FAT3: variants seen among roughly 807,000 people sequenced by gnomAD.
The protein encoded by FAT3 is protocadherin Fat 3.
A neutral mutation model predicts 310.2 loss-of-function variants in FAT3; 95 were observed. That is an observed-to-expected ratio of 0.31 (90% CI 0.26 to 0.36). The LOEUF is 0.36. Among genes scored for constraint, FAT3 ranks in the 10% least tolerant of loss-of-function variants. The pLI is 1.00. For synonymous variants in FAT3, 2,314 were observed against 2,192.9 expected (o/e 1.06, Z -1.54); for missense variants, 5,408 against 5,715.6 (o/e 0.95, Z 1.74).
intron 3 of FAT3, among the ~76,000 whole-genome samples, chr11:92,673,819 G>A (rs946329054): frequency 2.0e-5 from 3 of 152,148 alleles, no homozygotes; most frequent in East Asian, 3.9e-4. Context: ...GAAACCAGGT[G>A]AGTGAGGAAT....
At chr11:92,889,072 C>T (rs1949857069) in intron 25 of FAT3, 117 bp from the exon 26 acceptor site, 1 of 540,234 alleles carries the variant, frequency 1.9e-6, no homozygotes, top group Non-Finnish European at 3.3e-6. Context: ...TGGGTGTTTG[C>T]ATGCCGCACC....
intron 1 of FAT3, among the ~76,000 whole-genome samples, chr11:92,351,667 A>AT (rs33991336): frequency 0.26 from 39,265 of 149,958 alleles, 6,270 homozygotes; most frequent in African/African-American, 0.46. Flanking sequence ...GCATCTCTTC[A>AT]TTTTTTTTTT....
chr11:92,349,414 A>G (rs1948502253), intron 1 of FAT3, among the ~76,000 whole-genome samples: 1 of 152,192 alleles, frequency 6.6e-6, no homozygotes, highest in Admixed American at 6.5e-5. Flanking sequence ...CTGCTAGTGT[A>G]CTTCTGTGAT....
chr11:92,456,517 AG>A (rs1424421961), intron 2 of FAT3, among the ~76,000 whole-genome samples: 3 of 152,196 alleles, frequency 2.0e-5, no homozygotes, highest in African/African-American at 7.2e-5. Context: ...TTATTATAAA[AG>A]CAGTGAATGG....
chr11:92,848,007 G>C (rs566779251), intron 19 of FAT3, among the ~76,000 whole-genome samples: 13 of 152,108 alleles, frequency 8.5e-5, no homozygotes, highest in African/African-American at 3.1e-4. Flanking sequence ...GTTTACTCTA[G>C]GAGGTCGGCA....
chr11:92,887,126 C>A lies in FAT3; in HGVS notation c.13051+13C>A. ...GGTGACGACAATGGTAAGAAGTCAT[C>A]AGATTTGTTCGGAGCGGGTGGGTTC... On this transcript the variant is annotated intron_variant, in intron 25 of 27. Transcript: ENST00000525166. The A allele has an allele frequency of 1.3e-6, 2 of 1,598,016 alleles. No homozygotes were observed. Among genetic ancestry groups the A allele is most frequent in the Non-Finnish European group, 1.7e-6 (2 of 1,171,706 alleles).
intron 3 of FAT3, among the ~76,000 whole-genome samples, chr11:92,537,080 A>G (rs1309209933): frequency 1.3e-5 from 2 of 152,120 alleles, no homozygotes; most frequent in Non-Finnish European, 1.5e-5. Context: ...TCCTACTCCC[A>G]CGTAGACATC....
chr11:92,412,756 CATAT>C (rs544640768), intron 2 of FAT3, among the ~76,000 whole-genome samples: 4 of 26,546 alleles, frequency 1.5e-4, no homozygotes, highest in Non-Finnish European at 3.2e-4. Context: ...AATATACATA[CATAT>C]ATATATATTT....
At chr11:92,380,374 C>A (rs1396194062) in intron 2 of FAT3, among the ~76,000 whole-genome samples, 1 of 152,088 alleles carries the variant, frequency 6.6e-6, no homozygotes, top group African/African-American at 2.4e-5. Context: ...CCTGCCCTGT[C>A]TTCCTCTTCC....
intron 3 of FAT3, among the ~76,000 whole-genome samples, chr11:92,539,018 A>T (rs1232133512): frequency 6.6e-6 from 1 of 152,090 alleles, no homozygotes; most frequent in East Asian, 1.9e-4. Context: ...AACCAAGACA[A>T]ATCCAATTTT....
At chr11:92,502,330 A>G (rs140712410) in intron 2 of FAT3, among the ~76,000 whole-genome samples, 314 of 152,174 alleles carry the variant, frequency 2.1e-3, no homozygotes, top group African/African-American at 7.2e-3. Flanking sequence ...ACAGTGATAG[A>G]CAAGTGTGGG....
chr11:92,549,404 T>C (rs1954725755), intron 3 of FAT3, among the ~76,000 whole-genome samples: 1 of 152,238 alleles, frequency 6.6e-6, no homozygotes, highest in Admixed American at 6.5e-5. Context: ...TAAGGATTTA[T>C]TTTTCACTTA....
chr11:92,723,715 C>T (rs1221907882), intron 4 of FAT3, among the ~76,000 whole-genome samples: 1 of 152,138 alleles, frequency 6.6e-6, no homozygotes, highest in Non-Finnish European at 1.5e-5. Context: ...GTGAAAGGCA[C>T]ATCTTATGTG....
chr11:92,782,353 T>C (rs1025528944), intron 7 of FAT3, among the ~76,000 whole-genome samples: 2 of 151,944 alleles, frequency 1.3e-5, no homozygotes, highest in Non-Finnish European at 2.9e-5. Flanking sequence ...CCCAACACTT[T>C]GGGAGGTCAA....
intron 7 of FAT3, among the ~76,000 whole-genome samples, chr11:92,788,890 A>C (rs1946966928): frequency 6.6e-6 from 1 of 152,210 alleles, no homozygotes; most frequent in Non-Finnish European, 1.5e-5. Context: ...TAGTAAGAGA[A>C]GAGTTTGAAG....
chr11:92,294,744 C>A (rs188092840), intron 1 of FAT3, among the ~76,000 whole-genome samples: 1 of 151,860 alleles, frequency 6.6e-6, no homozygotes, highest in East Asian at 1.9e-4. Context: ...CCATGGAGAT[C>A]CTTCACTCCA....
At chr11:92,711,159 A>G (rs1001702198) in intron 4 of FAT3, among the ~76,000 whole-genome samples, 18 of 152,294 alleles carry the variant, frequency 1.2e-4, no homozygotes, top group African/African-American at 3.8e-4. Context: ...TTTCTTTTAC[A>G]TTTATGTATA....
intron 2 of FAT3, among the ~76,000 whole-genome samples, chr11:92,482,777 A>C (rs966216228): frequency 6.6e-6 from 1 of 152,062 alleles, no homozygotes; most frequent in African/African-American, 2.4e-5. Flanking sequence ...TTCCTCAACT[A>C]CATATTCGCC....
intron 23 of FAT3, 150 bp from the exon 24 acceptor site, chr11:92,882,588 C>T (rs548284124): frequency 3.8e-6 from 2 of 523,196 alleles, no homozygotes; most frequent in Non-Finnish European, 6.3e-6. Flanking sequence ...CTCCCCCTCC[C>T]CCCCCCCACC....
Sources: gnomAD v4.1 joint callset for allele counts (sites outside exome capture counted in the v4.1 genomes callset) on GRCh38, gnomAD v4.1.1 for gene constraint, MANE v1.5 for transcripts, NCBI Gene and HGNC (gene_info 2026-07-23, HGNC 2026-07-21) for gene names.